Variants in NRAP observed in about 807,000 individuals in gnomAD.
The protein encoded by NRAP is nebulin related anchoring protein.
In NRAP, 189 loss-of-function variants were observed where a neutral mutation model predicts 225.9. The observed-to-expected ratio is 0.84, with a 90% CI of 0.74 to 0.94. The LOEUF is 0.94. Ranked by LOEUF, NRAP falls within the 40% of genes least tolerant of loss-of-function variation. The pLI, the probability that NRAP is intolerant of heterozygous loss-of-function variation, is 0.00. For synonymous variants in NRAP, 769 were observed against 790.7 expected (o/e 0.97, Z 0.46); for missense variants, 2,176 against 2,168.7 (o/e 1.00, Z -0.07).
At chr10:113,633,334 A>G (rs1271497231) in intron 15 of NRAP, 146 bp from the exon 16 acceptor site, 2 of 569,582 alleles carry the variant, frequency 3.5e-6, no homozygotes, top group African/African-American at 3.8e-5. Context: ...CTTTTTGTGA[A>G]TGTTTTAAAT....
chr10:113,663,321 A>G lies in NRAP; in HGVS notation c.167+31T>C, dbSNP rs60762425. 3.0e-4 allele frequency: 379 copies of G among 1,266,354 alleles called. No homozygotes were observed. In the African/African-American group the frequency reaches 3.7e-3, roughly 12 times the overall value. 78.4% of individuals were successfully genotyped at this position (1,266,354 alleles called of 1,614,324 possible). ...CTTGTTGAAAAACAAATAAAACTCAAGAGGTAGTGGTGGGGGCATCAAACA... is the reference window on the plus strand; with the variant it reads ...CTTGTTGAAAAACAAATAAAACTCAGGAGGTAGTGGTGGGGGCATCAAACA... On this transcript the variant is annotated intron_variant, in intron 2 of 41. Coordinates refer to ENST00000359988, the MANE Select transcript of NRAP (RefSeq NM_198060.4).
At chr10:113,625,008 G>T in intron 21 of NRAP, 78 bp from the exon 22 acceptor site, 1 of 843,916 alleles carries the variant, frequency 1.2e-6, no homozygotes, top group Non-Finnish European at 2.0e-6. Context: ...TGGTGTCTCT[G>T]TCTGGTTGGC....
At chr10:113,607,200 C>CAAA (rs1473557513) in intron 32 of NRAP, among the ~76,000 whole-genome samples, 1 of 118,640 alleles carries the variant, frequency 8.4e-6, no homozygotes, top group African/African-American at 2.8e-5. Context: ...GACTCTGTCT[C>CAAA]AAACAAACAA....
chr10:113,615,118 G>A (rs576356240), intron 27 of NRAP, among the ~76,000 whole-genome samples, 172 bp from the exon 28 acceptor site: 9 of 151,932 alleles, frequency 5.9e-5, no homozygotes, highest in Non-Finnish European at 1.0e-4. Flanking sequence ...ATCCTGCCTC[G>A]TGCCCACCTC....
At chr10:113,616,967 G>C (rs1424126706) in intron 26 of NRAP, among the ~76,000 whole-genome samples, 2 of 152,158 alleles carry the variant, frequency 1.3e-5, no homozygotes, top group Non-Finnish European at 2.9e-5. Flanking sequence ...GCATCATAAA[G>C]GAGTATGGGA....
At chr10:113,661,803 C>A (rs947686313) in intron 3 of NRAP, among the ~76,000 whole-genome samples, 2 of 152,110 alleles carry the variant, frequency 1.3e-5, no homozygotes, top group Non-Finnish European at 2.9e-5. Flanking sequence ...TATCCCCACC[C>A]CAAGGGGAAA....
intron 36 of NRAP, among the ~76,000 whole-genome samples, chr10:113,597,427 C>T (rs1032493531): frequency 6.6e-6 from 1 of 152,130 alleles, no homozygotes; most frequent in Non-Finnish European, 1.5e-5. Context: ...CTACGGCTCC[C>T]CACAATAAAG....
At position 113,652,925 on chromosome 10, in the gene NRAP, A is replaced by G. The variant is rs564752317; in HGVS notation, c.570+10T>C. Reference sequence around the variant, plus strand: ...CATAATCAATGGTGAAAAAGCACCCAGGCACTCACTTGGCTGGCCAGCTGG... The same window carrying G: ...CATAATCAATGGTGAAAAAGCACCCGGGCACTCACTTGGCTGGCCAGCTGG... On this transcript the variant is annotated intron_variant, in intron 6 of 41. Transcript: ENST00000359988. 57 of 1,594,284 alleles carry G rather than the reference A, an allele frequency of 3.6e-5. No homozygotes were observed. The highest frequency in any genetic ancestry group is 1.5e-4 in the Admixed American group (9 of 58,734).
chr10:113,640,956 C>CA (rs1326306940), intron 13 of NRAP, among the ~76,000 whole-genome samples: 4 of 151,966 alleles, frequency 2.6e-5, no homozygotes, highest in Admixed American at 6.6e-5. Context: ...ATACAATGAT[C>CA]AAAAAAATGA....
At position 113,591,030 on chromosome 10, in the gene NRAP, T is replaced by C. The variant is rs11575800; in HGVS notation, c.4645-141A>G. On this transcript the variant is annotated intron_variant, in intron 39 of 41. Coordinates refer to ENST00000359988, the MANE Select transcript of NRAP (RefSeq NM_198060.4). Reference sequence around the variant, plus strand: ...CACAGGCTTTGGATTCAAATAGACCTATCTGTGTGGTCATGGGCCTGTTAC... The same window carrying C: ...CACAGGCTTTGGATTCAAATAGACCCATCTGTGTGGTCATGGGCCTGTTAC... The C allele has an allele frequency of 3.2e-3, 2,133 of 663,588 alleles. 33 individuals are homozygous for C. The African/African-American group carries it at 0.034, about 11-fold the overall frequency. 41.1% of individuals were successfully genotyped at this position (663,588 alleles called of 1,614,324 possible). A position where few individuals can be genotyped will look rare whatever the true frequency, so the allele number is the denominator to read the frequency against.
chr10:113,606,004 C>T (rs970279676), intron 33 of NRAP, 135 bp from the exon 34 acceptor site: 1 of 789,604 alleles, frequency 1.3e-6, no homozygotes, highest in African/African-American at 1.7e-5. Flanking sequence ...AGTACACACC[C>T]TGGGTACACT....
intron 40 of NRAP, among the ~76,000 whole-genome samples, 176 bp from the exon 41 acceptor site, chr10:113,589,973 C>T (rs1437416610): frequency 1.3e-5 from 2 of 152,174 alleles, no homozygotes; most frequent in Non-Finnish European, 1.5e-5. Flanking sequence ...GCACAGGGGC[C>T]GCAATGTGCT....
intron 39 of NRAP, 143 bp downstream of exon 39, chr10:113,592,051 T>A (rs1348315405): frequency 4.4e-6 from 2 of 450,270 alleles, no homozygotes; most frequent in Non-Finnish European, 4.0e-6. Context: ...TTTTTTTCTT[T>A]CATTTAAAAT....
At chr10:113,655,017 A>G (rs990729498) in intron 4 of NRAP, among the ~76,000 whole-genome samples, 2 of 152,158 alleles carry the variant, frequency 1.3e-5, no homozygotes, top group African/African-American at 4.8e-5. Context: ...GGTGGGCTGG[A>G]GGGGGGCAAG....
chr10:113,660,051 A>AAC (rs142938392), intron 3 of NRAP, among the ~76,000 whole-genome samples: 3,635 of 144,360 alleles, frequency 0.025, 48 homozygotes, highest in Middle Eastern at 0.038. Flanking sequence ...CTCAGTAGAC[A>AAC]ACACACACAC....
At chr10:113,661,561 A>G (rs931429501) in intron 3 of NRAP, among the ~76,000 whole-genome samples, 4 of 152,170 alleles carry the variant, frequency 2.6e-5, no homozygotes, top group Non-Finnish European at 5.9e-5. Context: ...TTAGAAAGCC[A>G]CTAAAACTTC....
intron 39 of NRAP, 147 bp downstream of exon 39, chr10:113,592,047 T>C (rs764024597): frequency 6.7e-6 from 3 of 448,468 alleles, no homozygotes; most frequent in Non-Finnish European, 1.2e-5. Context: ...CTTTTTTTTT[T>C]CTTTCATTTA....
chr10:113,627,850 G>A (rs1848368869), intron 20 of NRAP, among the ~76,000 whole-genome samples: 1 of 152,182 alleles, frequency 6.6e-6, no homozygotes, highest in African/African-American at 2.4e-5. Context: ...TCTAATCACA[G>A]AAGACTGTGG....
intron 5 of NRAP, 90 bp downstream of exon 5, chr10:113,653,931 T>C: frequency 1.2e-6 from 1 of 810,190 alleles, no homozygotes; most frequent in South Asian, 1.4e-5. Flanking sequence ...CATCATTCTG[T>C]CTACCGAAAT....
Sources: gnomAD v4.1 joint callset for allele counts (sites outside exome capture counted in the v4.1 genomes callset) on GRCh38, gnomAD v4.1.1 for gene constraint, MANE v1.5 for transcripts, NCBI Gene and HGNC (gene_info 2026-07-23, HGNC 2026-07-21) for gene names.